SALL3: variants seen among roughly 807,000 people sequenced by gnomAD.
The protein encoded by SALL3 is spalt like transcription factor 3, also known as sal-like protein 3.
SALL3 carries 25 observed loss-of-function variants against 66.2 expected under a neutral mutation model. The ratio of observed to expected loss-of-function variants is 0.38; its 90% CI spans 0.28 to 0.53. SALL3 has a LOEUF of 0.53. Among genes scored for constraint, SALL3 ranks in the 20% least tolerant of loss-of-function variants. SALL3 has a pLI of 0.85. For synonymous variants in SALL3, 1,152 were observed against 899.1 expected, an observed-to-expected ratio of 1.28 and a Z score of -5.03; for missense variants, 2,194 against 1,916.5, an observed-to-expected ratio of 1.14 and a Z score of -2.70.
Position 78,994,545 on chromosome 18 carries a change from T to C in SALL3, c.2554T>C (p.Ser852Pro). 1 of 1,494,016 alleles carries C rather than the reference T, an allele frequency of 6.7e-7. No homozygotes were observed. The highest frequency in any genetic ancestry group is 9.0e-7 in the Non-Finnish European group (1 of 1,109,392). The allele number at this position is 1,494,016 out of a possible 1,614,324, so 92.5% of individuals were successfully genotyped here. ...GGAGAACCAGATGAAGATGATCGAC[T>C]CGGTCATGAGCTGCCAGCAGCTGAC... ...ALENQMKMID[S>P]VMSCQQLTGL... The change falls in exon 2 of 3, where the codon TCG becomes CCG. Residue 852 changes from serine (S) to proline (P), a missense_variant. Physicochemically the swap from Ser to Pro is moderately conservative, Grantham distance 74 (BLOSUM62 -1). Transcript: ENST00000537592.
chr18:78,995,253 G>A lies in SALL3; in HGVS notation c.3262G>A (p.Ala1088Thr), dbSNP rs1339506191. 4.4e-6 allele frequency: 7 copies of A among 1,598,026 alleles called. No individual in the cohort carries two copies. The highest frequency in any genetic ancestry group is 1.1e-5 in the South Asian group (1 of 90,558). Residue 1088 changes from alanine to threonine, a missense_variant, in exon 2 of 3, where the codon GCC (alanine) becomes ACC (threonine). Physicochemically the swap from Ala to Thr is moderately conservative, Grantham distance 58. Coordinates refer to ENST00000537592, the MANE Select transcript of SALL3 (RefSeq NM_171999.4). ...GCTGCCCGCGGGCGTCCAGGTCCCC[G>A]CCGGGCCTCAGACAGTGATGGGCCC... is the stretch of plus-strand genomic sequence containing the variant. ...PPLPAGVQVP[A>T]GPQTVMGPGL...
Position 78,992,346 on chromosome 18 carries a change from G to A in SALL3, c.355G>A (p.Gly119Ser). ...GGCGGCCGAGGAGGCGGGTGCGGAG[G>A]GCGCGGAGGGCGAGGCCAGGCCGGT... ...SEAAEEAGAE[G>S]AEGEARPVEK... The change falls in exon 2 of 3, where the codon GGC (glycine) becomes AGC (serine). Residue 119 changes from glycine to serine, a missense_variant. Physicochemically the swap from Gly to Ser is moderately conservative, Grantham distance 56. Coordinates refer to ENST00000537592, the MANE Select transcript of SALL3 (RefSeq NM_171999.4). 5.8e-6 allele frequency: 8 copies of A among 1,374,832 alleles called. No individual in the cohort carries two copies. Among genetic ancestry groups the A allele is most frequent in the Non-Finnish European group, 7.5e-6 (8 of 1,072,214 alleles). The allele number at this position is 1,374,832 out of a possible 1,614,324, so 85.2% of individuals were successfully genotyped here. A position where few individuals can be genotyped will look rare whatever the true frequency, so the allele number is the denominator to read the frequency against.
chr18:78,983,859 G>A (rs897026237), intron 1 of SALL3, among the ~76,000 whole-genome samples: 1 of 152,156 alleles, frequency 6.6e-6, no homozygotes, highest in Non-Finnish European at 1.5e-5. Flanking sequence ...AGGAAAAGAA[G>A]ACTTTGCCAA....
In SALL3 at chr18:78,992,368, C is replaced by G. The variant is rs1914470733; in HGVS notation, c.377C>G (p.Pro126Arg). The G allele has an allele frequency of 2.2e-6, 3 of 1,337,844 alleles. No individual in the cohort carries two copies. Among genetic ancestry groups the G allele is most frequent in the Non-Finnish European group, 2.9e-6 (3 of 1,050,970 alleles). The allele number at this position is 1,337,844 out of a possible 1,614,324, so 82.9% of individuals were successfully genotyped here. A position where few individuals can be genotyped will look rare whatever the true frequency, so the allele number is the denominator to read the frequency against. The stretch of plus-strand genomic sequence containing the variant: ...GAGGGCGCGGAGGGCGAGGCCAGGC[C>G]GGTGGAGAAGGAGGCCGAGCCCATG... ...GAEGAEGEAR[P>R]VEKEAEPMDA... is the part of the protein sequence containing the mutation. The change falls in exon 2 of 3, where the codon CCG becomes CGG. Residue 126 changes from proline (P) to arginine (R), a missense_variant. By Grantham distance (103) the Pro-to-Arg change is moderately radical (BLOSUM62 -2). Transcript: ENST00000537592.
Position 78,994,849 on chromosome 18 carries a change from G to A in SALL3, c.2858G>A (p.Arg953His), listed in dbSNP as rs755054197. Residue 953 changes from arginine (R) to histidine (H), a missense_variant, in exon 2 of 3, where the codon CGC becomes CAC. By Grantham distance (29) the Arg-to-His change is conservative. Coordinates refer to ENST00000537592, the MANE Select transcript of SALL3 (RefSeq NM_171999.4). ...CCGGGCAGCGGAGGCGCCCCTGGCC[G>A]CGCGGGCATCAAGGAGGAGGCGCCC... ...AAPGSGGAPGRAGIKEEAPFS... is the reference protein window; with the variant it reads ...AAPGSGGAPGHAGIKEEAPFS... 2.5e-5 allele frequency: 40 copies of A among 1,599,396 alleles called. No individual in the cohort carries two copies. The East Asian group carries it at 5.6e-4, about 23-fold the overall frequency.
chr18:78,980,425 G>GCTCCCGCCGCAC, intron 1 of SALL3, 69 bp downstream of exon 1: 1 of 1,004,166 alleles, frequency 1.0e-6, no homozygotes, highest in Non-Finnish European at 1.3e-6. Context: ...AAGCGCGTGC[G>GCTCCCGCCGCAC]GCGGGAGCGG....
In SALL3 at chr18:78,994,622, C is replaced by T. The variant is rs367651872; in HGVS notation, c.2631C>T (p.Asn877=). Residue 877 remains asparagine, a synonymous_variant, in exon 2 of 3, where the codon AAC becomes AAT. Coordinates refer to ENST00000537592, the MANE Select transcript of SALL3 (RefSeq NM_171999.4). ...CCGGGGAGAGTGACCGCCTGAGCAA[C>T]GACTCCTCGTCGGCCGTGGGCGACC... The part of the protein sequence containing the change: ...NGSGESDRLS[N]DSSSAVGDLE... 1.9e-6 allele frequency: 3 copies of T among 1,608,526 alleles called. No homozygotes were observed. The highest frequency in any genetic ancestry group is 1.3e-5 in the African/African-American group (1 of 74,824).
In SALL3 at chr18:78,994,242, G is replaced by T; in HGVS notation, c.2251G>T (p.Ala751Ser). 1 of 1,613,704 alleles carries T rather than the reference G, an allele frequency of 6.2e-7. No individual in the cohort carries two copies. Residue 751 changes from alanine to serine, a missense_variant, in exon 2 of 3, where the codon GCC becomes TCC. Ala to Ser is a moderately conservative substitution (Grantham distance 99, BLOSUM62 1). Coordinates refer to ENST00000537592, the MANE Select transcript of SALL3 (RefSeq NM_171999.4). The stretch of plus-strand genomic sequence containing the variant: ...CATCTGCCAGAAGAAGTTCACCAAC[G>T]CCGTGGTCCTGCAGCAGCACATCCG... ...CPICQKKFTN[A>S]VVLQQHIRMH...
At chr18:78,990,477 TTTTTC>T (rs1041668613) in intron 1 of SALL3, among the ~76,000 whole-genome samples, 110 of 152,324 alleles carry the variant, frequency 7.2e-4, no homozygotes, top group Non-Finnish European at 2.1e-4. Context: ...TCAAAAAATA[TTTTTC>T]TTTTCAAGTA....
Position 78,993,567 on chromosome 18 carries a change from G to C in SALL3, c.1576G>C (p.Val526Leu), listed in dbSNP as rs573903216. The change falls in exon 2 of 3, where the codon GTG (valine) becomes CTG (leucine). Residue 526 changes from valine to leucine, a missense_variant. Transcript: ENST00000537592. Reference sequence around the variant, plus strand: ...CGTGCTGCCCACCGTGCCCACGTCCGTGGGGCTGCAACTGCCGCCCACTGT... The same window carrying C: ...CGTGCTGCCCACCGTGCCCACGTCCCTGGGGCTGCAACTGCCGCCCACTGT... Reference protein sequence around the residue: ...KPVLPTVPTSVGLQLPPTVPG... With the variant: ...KPVLPTVPTSLGLQLPPTVPG... 4 of 1,589,974 alleles carry C rather than the reference G, an allele frequency of 2.5e-6. No individual in the cohort carries two copies. The South Asian group carries it at 4.5e-5, about 18-fold the overall frequency.
chr18:78,995,582 G>C, intron 2 of SALL3, 120 bp downstream of exon 2: 2 of 1,417,248 alleles, frequency 1.4e-6, no homozygotes, highest in South Asian at 3.0e-5. Flanking sequence ...AGGGGGGTGA[G>C]ATGCCACGCC....
intron 1 of SALL3, among the ~76,000 whole-genome samples, chr18:78,983,411 G>T (rs150343843): frequency 5.3e-5 from 8 of 152,214 alleles, no homozygotes; most frequent in African/African-American, 1.4e-4. Flanking sequence ...GATGTATTTT[G>T]TTGTTGTTAG....
chr18:78,995,417 C>T lies in SALL3; in HGVS notation c.3426C>T (p.Gly1142=), dbSNP rs772524353. ...ERTHTGEKPF[G]CTICGRAFTT... ...CGCACACCGGCGAGAAGCCGTTCGG[C>T]TGCACCATCTGCGGCCGGGCCTTCA... The change falls in exon 2 of 3, where the codon GGC becomes GGT. Residue 1142 remains glycine, a synonymous_variant. Coordinates refer to ENST00000537592, the MANE Select transcript of SALL3 (RefSeq NM_171999.4). 4 of 1,587,574 alleles carry T rather than the reference C, an allele frequency of 2.5e-6. No individual in the cohort carries two copies. The highest frequency in any genetic ancestry group is 3.4e-6 in the Non-Finnish European group (4 of 1,174,976).
At chr18:78,982,019 T>C (rs1914089520) in intron 1 of SALL3, among the ~76,000 whole-genome samples, 1 of 152,216 alleles carries the variant, frequency 6.6e-6, no homozygotes, top group Non-Finnish European at 1.5e-5. Flanking sequence ...TTCTCAGCTT[T>C]GTAGGGTCGG....
At chr18:78,980,745 G>C (rs1914021871) in intron 1 of SALL3, among the ~76,000 whole-genome samples, 1 of 151,774 alleles carries the variant, frequency 6.6e-6, no homozygotes, top group Non-Finnish European at 1.5e-5. Flanking sequence ...CGGGGAAGGC[G>C]ACCGCAGCCC....
rs1442913966 is a variant in SALL3, at chr18:78,992,093, G to T, written c.102G>T (p.Ala34=). 1.3e-6 allele frequency: 2 copies of T among 1,555,240 alleles called. No homozygotes were observed. Among genetic ancestry groups the T allele is most frequent in the Non-Finnish European group, 1.7e-6 (2 of 1,149,392 alleles). Residue 34 remains alanine, a synonymous_variant, in exon 2 of 3, where the codon GCG becomes GCT. Coordinates refer to ENST00000537592, the MANE Select transcript of SALL3 (RefSeq NM_171999.4). ...TTGCAGCCGCCCCGGGGGAAGGTGC[G>T]GAGGACGCAGACAGCGGGCCCGAGA... The part of the protein sequence containing the change: ...APEHAAPGEG[A]EDADSGPESR...
intron 1 of SALL3, among the ~76,000 whole-genome samples, chr18:78,989,038 T>G (rs1012626652): frequency 6.6e-6 from 1 of 152,222 alleles, no homozygotes; most frequent in African/African-American, 2.4e-5. Flanking sequence ...TTTTCAATTT[T>G]GAAGGAATAA....
At chr18:78,981,080 G>T (rs1395062583) in intron 1 of SALL3, among the ~76,000 whole-genome samples, 2 of 152,258 alleles carry the variant, frequency 1.3e-5, no homozygotes, top group Non-Finnish European at 2.9e-5. Context: ...GCCGGGCGCT[G>T]GAGACCTCGG....
At chr18:78,982,028 G>A (rs1452282242) in intron 1 of SALL3, among the ~76,000 whole-genome samples, 1 of 152,122 alleles carries the variant, frequency 6.6e-6, no homozygotes, top group African/African-American at 2.4e-5. Flanking sequence ...TTGTAGGGTC[G>A]GTATCAAAAT....
Sources: gnomAD v4.1 joint callset for allele counts (sites outside exome capture counted in the v4.1 genomes callset) on GRCh38, gnomAD v4.1.1 for gene constraint, MANE v1.5 for transcripts, NCBI Gene and HGNC (gene_info 2026-07-23, HGNC 2026-07-21) for gene names.